Variants in PTPN11 observed in about 807,000 individuals in gnomAD.
The protein encoded by PTPN11 is tyrosine-protein phosphatase non-receptor type 11.
Under a neutral mutation model 78.8 loss-of-function variants are expected in PTPN11, and 6 were observed. The ratio of observed to expected loss-of-function variants is 0.08; its 90% confidence interval spans 0.04 to 0.15. The LOEUF is 0.15. Ranked by LOEUF, PTPN11 falls within the 10% of genes least tolerant of loss-of-function variation. The pLI is 1.00. For missense variants in PTPN11, 386 were observed against 744.8 expected (o/e 0.52, Z 5.61); for synonymous variants, 221 against 263.5 (o/e 0.84, Z 1.56).
At chr12:112,459,906 G>A (rs2038222602) in intron 6 of PTPN11, among the ~76,000 whole-genome samples, 1 of 140,358 alleles carries the variant, frequency 7.1e-6, no homozygotes, top group South Asian at 2.3e-4. Flanking sequence ...TTTCCTGATT[G>A]CTACACACAC....
At position 112,484,526 on chromosome 12, in the gene PTPN11, G is replaced by T. The variant is rs367934232; in HGVS notation, c.1225-1949G>T. Among the ~76,000 whole-genome samples, 14 of 152,308 alleles carry T rather than the reference G, an allele frequency of 9.2e-5. No individual in the cohort carries two copies. In the East Asian group the frequency reaches 1.9e-3, roughly 21 times the overall value. ...GGAGGAGGCAGGTGGAAAGTAGAGG[G>T]AGGGCTCAGTGGTCTGGAGGCTACA... On this transcript the variant is annotated intron_variant, in intron 10 of 15. Coordinates refer to ENST00000351677, the MANE Select transcript of PTPN11 (RefSeq NM_002834.5).
chr12:112,426,988 T>C (rs544928042), intron 1 of PTPN11, among the ~76,000 whole-genome samples: 1 of 152,166 alleles, frequency 6.6e-6, no homozygotes, highest in Non-Finnish European at 1.5e-5. Context: ...CTCACACCTA[T>C]AATACCAGTA....
intron 1 of PTPN11, among the ~76,000 whole-genome samples, chr12:112,423,641 G>A (rs193045724): frequency 6.6e-6 from 1 of 150,868 alleles, no homozygotes; most frequent in Non-Finnish European, 1.5e-5. Context: ...GTGTATATAT[G>A]TATATTTGTA....
intron 13 of PTPN11, among the ~76,000 whole-genome samples, chr12:112,492,707 C>T (rs564720502): frequency 4.6e-4 from 70 of 152,004 alleles, no homozygotes; most frequent in Non-Finnish European, 7.2e-4. Context: ...TTAGTAGAGA[C>T]GGGGTCTCAC....
At chr12:112,433,217 A>G (rs1019819380) in intron 1 of PTPN11, among the ~76,000 whole-genome samples, 1 of 152,148 alleles carries the variant, frequency 6.6e-6, no homozygotes, top group Non-Finnish European at 1.5e-5. Context: ...TTTTCTATGT[A>G]TGGATGTGTT....
rs149928405 is a variant in PTPN11, at chr12:112,509,294, A to G, written c.*3502A>G. The G allele has an allele frequency of 6.6e-6, 1 of 152,502 alleles. No homozygotes were observed. The highest frequency in any genetic ancestry group is 1.9e-4 in the East Asian group (1 of 5,192). The allele number at this position is 152,502 out of a possible 1,614,324, so 9.4% of individuals were successfully genotyped here. On this transcript the variant is annotated 3_prime_UTR_variant, in exon 16 of 16. Transcript: ENST00000351677. ...CTTTTTCACTATGGGCAGTTCACAC[A>G]AGGCAAAAACTATTGAACAGTTGGT...
At position 112,506,630 on chromosome 12, in the gene PTPN11, G is replaced by C. The variant is rs142648640; in HGVS notation, c.*838G>C. 6.6e-6 allele frequency: 1 copy of C among 152,248 alleles called. No individual in the cohort carries two copies. The highest frequency in any genetic ancestry group is 2.4e-5 in the African/African-American group (1 of 41,546). 9.4% of individuals were successfully genotyped at this position (152,248 alleles called of 1,614,324 possible). On this transcript the variant is annotated 3_prime_UTR_variant, in exon 16 of 16. Coordinates refer to ENST00000351677, the MANE Select transcript of PTPN11 (RefSeq NM_002834.5). ...CTGACAAACTTATCCCAAAACTTTA[G>C]TGGCTTAAAAAAACCTGCCCCCAAC...
At chr12:112,443,403 G>C (rs1247065511) in intron 1 of PTPN11, among the ~76,000 whole-genome samples, 2 of 150,406 alleles carry the variant, frequency 1.3e-5, no homozygotes, top group African/African-American at 4.9e-5. Flanking sequence ...ATGTTGCCCA[G>C]GCTGGAGTAT....
At chr12:112,435,045 C>T (rs1460404506) in intron 1 of PTPN11, among the ~76,000 whole-genome samples, 4 of 151,650 alleles carry the variant, frequency 2.6e-5, no homozygotes, top group African/African-American at 4.8e-5. Context: ...CCTTGGCCTC[C>T]GAAAGTGCTG....
At chr12:112,501,123 A>G (rs1252463901) in intron 13 of PTPN11, among the ~76,000 whole-genome samples, 1 of 152,182 alleles carries the variant, frequency 6.6e-6, no homozygotes, top group Non-Finnish European at 1.5e-5. Context: ...AGTGAAGTCA[A>G]CATTAGATAA....
intron 6 of PTPN11, among the ~76,000 whole-genome samples, chr12:112,470,657 C>T (rs1354001224): frequency 6.6e-6 from 1 of 152,144 alleles, no homozygotes; most frequent in Admixed American, 6.6e-5. Context: ...CGCCCCCCCA[C>T]CTCAGTGAAG....
chr12:112,423,740 CTTTTTTTTT>C (rs1238357055), intron 1 of PTPN11, among the ~76,000 whole-genome samples: 1 of 110,692 alleles, frequency 9.0e-6, no homozygotes, highest in Admixed American at 9.4e-5. Flanking sequence ...CATACAATGT[CTTTTTTTTT>C]TTTTTTTTTT....
intron 14 of PTPN11, among the ~76,000 whole-genome samples, chr12:112,503,906 T>C (rs539940885): frequency 1.1e-4 from 17 of 152,294 alleles, no homozygotes; most frequent in African/African-American, 3.9e-4. Flanking sequence ...GTCTGGGATC[T>C]TGATGCTTTG....
intron 9 of PTPN11, among the ~76,000 whole-genome samples, chr12:112,479,126 T>G (rs1317419207): frequency 1.3e-5 from 2 of 152,174 alleles, no homozygotes; most frequent in African/African-American, 4.8e-5. Flanking sequence ...TAGGACTCAT[T>G]ACTCCATACT....
At chr12:112,469,624 C>T (rs960027128) in intron 6 of PTPN11, among the ~76,000 whole-genome samples, 6 of 151,970 alleles carry the variant, frequency 3.9e-5, no homozygotes, top group African/African-American at 1.5e-4. Context: ...AAGCGATTCT[C>T]CTGCCTCAGG....
At chr12:112,477,778 A>G in intron 8 of PTPN11, 48 bp downstream of exon 8, 1 of 1,605,062 alleles carries the variant, frequency 6.2e-7, no homozygotes, top group Non-Finnish European at 8.5e-7. Context: ...TTTCTAGCCT[A>G]TTTTTGTATT....
chr12:112,419,028 C>T lies in PTPN11; in HGVS notation c.-84C>T. 4 of 1,515,376 alleles carry T rather than the reference C, an allele frequency of 2.6e-6. No homozygotes were observed. Among genetic ancestry groups the T allele is most frequent in the Non-Finnish European group, 3.5e-6 (4 of 1,129,582 alleles). The allele number at this position is 1,515,376 out of a possible 1,614,324, so 93.9% of individuals were successfully genotyped here. On this transcript the variant is annotated 5_prime_UTR_variant, in exon 1 of 16. Coordinates refer to ENST00000351677, the MANE Select transcript of PTPN11 (RefSeq NM_002834.5). ...CCCGCGTCCGGTCCCGAGCGGGCCT[C>T]CCTCGGGCCAGCCCGATGTGACCGA...
At chr12:112,449,834 G>A (rs1241344457) in intron 2 of PTPN11, among the ~76,000 whole-genome samples, 1 of 152,102 alleles carries the variant, frequency 6.6e-6, no homozygotes, top group African/African-American at 2.4e-5. Context: ...GGGAGGCCGA[G>A]GTGGGTGGAT....
intron 13 of PTPN11, among the ~76,000 whole-genome samples, chr12:112,496,197 T>G (rs1387264511): frequency 6.6e-6 from 1 of 152,242 alleles, no homozygotes; most frequent in Non-Finnish European, 1.5e-5. Flanking sequence ...GCTCAAATTG[T>G]TACAGCTTTG....
Sources: allele counts gnomAD v4.1 joint callset (sites outside exome capture counted in the v4.1 genomes callset), GRCh38; gene constraint gnomAD v4.1.1; transcripts MANE v1.5; gene names NCBI Gene and HGNC (gene_info 2026-07-23, HGNC 2026-07-21).